The following AMOTL1 variants were observed in gnomAD, a reference collection of about 807,000 sequenced individuals.
AMOTL1 encodes angiomotin like 1.
Under a neutral mutation model 102.9 loss-of-function variants are expected in AMOTL1, and 45 were observed. The ratio of observed to expected loss-of-function variants is 0.44; its 90% confidence interval spans 0.34 to 0.56. The LOEUF is 0.56. Among genes scored for constraint, AMOTL1 ranks in the 20% least tolerant of loss-of-function variants. AMOTL1 has a pLI of 0.01. For missense variants in AMOTL1, 1,114 were observed against 1,225.6 expected, an observed-to-expected ratio of 0.91 and a Z score of 1.36; for synonymous variants, 481 against 484.7, an observed-to-expected ratio of 0.99 and a Z score of 0.10.
intron 2 of AMOTL1, among the ~76,000 whole-genome samples, chr11:94,738,900 G>A (rs1477345530): frequency 2.6e-5 from 4 of 152,140 alleles, no homozygotes; most frequent in East Asian, 1.9e-4. Context: ...GCATGGTGTC[G>A]CTATGACAGC....
At chr11:94,790,921 T>C (rs146409846) in intron 1 of AMOTL1, among the ~76,000 whole-genome samples, 2,887 of 152,332 alleles carry the variant, frequency 0.019, 53 homozygotes, top group Middle Eastern at 0.037. Context: ...TTGCTCCTCT[T>C]GCCTCCCCCA....
At chr11:94,778,620 A>C (rs931572583) in intron 1 of AMOTL1, among the ~76,000 whole-genome samples, 1 of 152,250 alleles carries the variant, frequency 6.6e-6, no homozygotes, top group African/African-American at 2.4e-5. Flanking sequence ...GTTAAGTGTT[A>C]GTTATCATGG....
At chr11:94,847,444 G>T (rs975180288) in intron 6 of AMOTL1, among the ~76,000 whole-genome samples, 1 of 152,108 alleles carries the variant, frequency 6.6e-6, no homozygotes, top group South Asian at 2.1e-4. Context: ...CAATATTTTT[G>T]AGCCAGATGC....
chr11:94,774,281 A>T (rs1950993801), intron 1 of AMOTL1, among the ~76,000 whole-genome samples: 1 of 152,222 alleles, frequency 6.6e-6, no homozygotes, highest in Non-Finnish European at 1.5e-5. Flanking sequence ...CCCTATTCAC[A>T]ATCTATTACT....
At chr11:94,869,964 G>C (rs549485323) in intron 12 of AMOTL1, among the ~76,000 whole-genome samples, 2 of 152,208 alleles carry the variant, frequency 1.3e-5, no homozygotes, top group Admixed American at 6.5e-5. Context: ...CAGGACTAAC[G>C]AGCTGTTTAA....
At chr11:94,722,285 T>C (rs970051499) in intron 1 of AMOTL1, among the ~76,000 whole-genome samples, 5 of 152,148 alleles carry the variant, frequency 3.3e-5, no homozygotes, top group African/African-American at 1.2e-4. Context: ...GCTTATCCTT[T>C]GAGATAAATG....
chr11:94,787,899 G>A (rs145102084), intron 1 of AMOTL1, among the ~76,000 whole-genome samples: 2 of 152,166 alleles, frequency 1.3e-5, no homozygotes, highest in Admixed American at 6.5e-5. Context: ...GGAAGGCTCA[G>A]AAAATGGGCA....
In AMOTL1 at chr11:94,814,937, G is replaced by T. The variant is rs574602129; in HGVS notation, c.1122-6593G>T. 1.2e-3 allele frequency among the ~76,000 whole-genome samples: 181 copies of T among 152,244 alleles called. 2 individuals carry two copies. The highest frequency in any genetic ancestry group is 4.3e-3 in the African/African-American group (178 of 41,536). ...TGTATCCCACACCCCCTAATACAGA[G>T]CTTAGCACTGGGCATTCATGAGAAG... is the stretch of plus-strand genomic sequence containing the variant. On this transcript the variant is annotated intron_variant, in intron 3 of 12. Coordinates refer to ENST00000433060, the MANE Select transcript of AMOTL1 (RefSeq NM_130847.3).
At chr11:94,731,501 G>C (rs1223721201) in intron 2 of AMOTL1, among the ~76,000 whole-genome samples, 1 of 152,180 alleles carries the variant, frequency 6.6e-6, no homozygotes, top group African/African-American at 2.4e-5. Flanking sequence ...TGTTGAAGTA[G>C]GATGAGGATA....
chr11:94,843,077 G>A (rs1414366303), intron 6 of AMOTL1, among the ~76,000 whole-genome samples: 2 of 152,300 alleles, frequency 1.3e-5, no homozygotes, highest in Non-Finnish European at 2.9e-5. Context: ...ACAGCAGAAA[G>A]CTGAAGACCC....
chr11:94,850,766 G>A (rs1482126627), intron 7 of AMOTL1, among the ~76,000 whole-genome samples: 1 of 152,182 alleles, frequency 6.6e-6, no homozygotes, highest in Non-Finnish European at 1.5e-5. Flanking sequence ...CTGTGGTGGT[G>A]GCGGCAGGTG....
intron 1 of AMOTL1, among the ~76,000 whole-genome samples, chr11:94,721,382 CT>C (rs36046062): frequency 0.032 from 4,753 of 147,168 alleles, 242 homozygotes; most frequent in African/African-American, 0.11. Flanking sequence ...ACCTGTACTA[CT>C]TTTTTTTTTT....
intron 4 of AMOTL1, among the ~76,000 whole-genome samples, chr11:94,826,477 T>C (rs981773401): frequency 6.6e-6 from 1 of 152,182 alleles, no homozygotes; most frequent in Non-Finnish European, 1.5e-5. Flanking sequence ...TTAAGAAGCA[T>C]GACACTGGTA....
chr11:94,707,248 C>CTGTGTGTGTGTGTG (rs1225814157), intron 1 of AMOTL1, among the ~76,000 whole-genome samples: 11 of 65,920 alleles, frequency 1.7e-4, no homozygotes, highest in Admixed American at 3.5e-4. Flanking sequence ...CTCTCTCTCT[C>CTGTGTGTGTGTGTG]TCTGTGTGTG....
intron 1 of AMOTL1, among the ~76,000 whole-genome samples, chr11:94,723,824 A>G (rs1950213019): frequency 6.6e-6 from 1 of 152,088 alleles, no homozygotes; most frequent in Non-Finnish European, 1.5e-5. Context: ...GTGTAAGATT[A>G]TTGTAGGTGC....
intron 6 of AMOTL1, among the ~76,000 whole-genome samples, chr11:94,835,408 C>T (rs1213581039): frequency 6.6e-6 from 1 of 152,228 alleles, no homozygotes; most frequent in East Asian, 1.9e-4. Context: ...ATACCTCTTA[C>T]CATTCTTAGC....
chr11:94,791,535 A>G (rs1387190613), intron 1 of AMOTL1, among the ~76,000 whole-genome samples: 2 of 152,228 alleles, frequency 1.3e-5, no homozygotes, highest in Non-Finnish European at 1.5e-5. Context: ...TTGTATGGGA[A>G]TGGTCTTTAT....
At position 94,795,184 on chromosome 11, in the gene AMOTL1, T is replaced by C. The variant is rs777001868; in HGVS notation, c.199+24T>C. The C allele has an allele frequency of 2.7e-5, 44 of 1,611,646 alleles. 3 individuals are homozygous for C. In the South Asian group the frequency reaches 4.9e-4, roughly 18 times the overall value. On this transcript the variant is annotated intron_variant, in intron 2 of 12. Transcript: ENST00000433060. ...TGGTAAGTCCTTTTACCGGCACTTG[T>C]GTTGGAAAAGCAAAATGATCTTACG... is the stretch of plus-strand genomic sequence containing the variant.
At chr11:94,817,198 A>G (rs1951780912) in intron 3 of AMOTL1, among the ~76,000 whole-genome samples, 1 of 152,146 alleles carries the variant, frequency 6.6e-6, no homozygotes, top group Admixed American at 6.5e-5. Context: ...ATTGCTCTCA[A>G]AGAATAAAGG....
Sources: gnomAD v4.1 joint callset for allele counts (sites outside exome capture counted in the v4.1 genomes callset) on GRCh38, gnomAD v4.1.1 for gene constraint, MANE v1.5 for transcripts, NCBI Gene and HGNC (gene_info 2026-07-23, HGNC 2026-07-21) for gene names.